Variants in DPY19L2 observed in about 807,000 individuals in gnomAD.
DPY19L2 encodes the protein dpy-19 like 2, also known as probable C-mannosyltransferase DPY19L2.
In DPY19L2, 34 loss-of-function variants were observed where a neutral mutation model predicts 97.9. That is an observed-to-expected ratio of 0.35 (90% CI 0.26 to 0.46). The LOEUF is 0.46. Among genes scored for constraint, DPY19L2 ranks in the 20% least tolerant of loss-of-function variants. The pLI is 1.00. For synonymous variants in DPY19L2, 230 were observed against 307.9 expected (o/e 0.75, Z 2.65); for missense variants, 623 against 911.4 (o/e 0.68, Z 4.07).
chr12:63,627,309 G>A (rs1001265355), intron 6 of DPY19L2, among the ~76,000 whole-genome samples: 1 of 152,094 alleles, frequency 6.6e-6, no homozygotes, highest in Non-Finnish European at 1.5e-5. Flanking sequence ...AAAATCAGAT[G>A]AAAGATAAAA....
In DPY19L2 at chr12:63,627,119, T is replaced by C. The variant is rs541395982; in HGVS notation, c.804-593A>G. Among the ~76,000 whole-genome samples, 5 of 152,252 alleles carry C rather than the reference T, an allele frequency of 3.3e-5. 1 individual carries two copies. In the South Asian group the frequency reaches 1.0e-3, roughly 32 times the overall value. On this transcript the variant is annotated intron_variant, in intron 6 of 21. Coordinates refer to ENST00000324472, the MANE Select transcript of DPY19L2 (RefSeq NM_173812.5). Reference sequence around the variant, plus strand: ...AGAAACAGACTAGCACTTTAGAGTCTAGATCACATCCTTTGAATACTCTGA... The same window carrying C: ...AGAAACAGACTAGCACTTTAGAGTCCAGATCACATCCTTTGAATACTCTGA...
intron 6 of DPY19L2, among the ~76,000 whole-genome samples, chr12:63,629,902 G>C (rs1890279424): frequency 6.6e-6 from 1 of 152,032 alleles, no homozygotes; most frequent in African/African-American, 2.4e-5. Flanking sequence ...AGAGAGTGGG[G>C]GCCAATATTC....
Position 63,560,398 on chromosome 12 carries a change from T to C in DPY19L2, c.*114A>G. On this transcript the variant is annotated 3_prime_UTR_variant, in exon 22 of 22. Transcript: ENST00000324472. ...GAAAAATTTCCAATCCATTTTTATC[T>C]TATTTTTAAGTGTCTGTTATTAAAG... The C allele has an allele frequency of 7.7e-7, 1 of 1,290,930 alleles. No homozygotes were observed. The highest frequency in any genetic ancestry group is 1.0e-6 in the Non-Finnish European group (1 of 972,448). 80.0% of individuals were successfully genotyped at this position (1,290,930 alleles called of 1,614,324 possible).
intron 14 of DPY19L2, 39 bp downstream of exon 14, chr12:63,597,770 A>G: frequency 6.4e-7 from 1 of 1,558,516 alleles, no homozygotes; most frequent in Non-Finnish European, 8.7e-7. Context: ...AGAGCAAAAA[A>G]CTCATATTAG....
intron 8 of DPY19L2, among the ~76,000 whole-genome samples, chr12:63,623,603 A>G (rs1026795222): frequency 4.6e-5 from 7 of 152,178 alleles, no homozygotes; most frequent in Non-Finnish European, 1.0e-4. Context: ...GCAATTTTGA[A>G]TTATTTTCTT....
intron 6 of DPY19L2, among the ~76,000 whole-genome samples, chr12:63,639,540 G>A (rs143794263): frequency 0.016 from 2,477 of 152,218 alleles, 72 homozygotes; most frequent in African/African-American, 0.056. Context: ...AGTGGATGAA[G>A]GATATGAACA....
intron 15 of DPY19L2, among the ~76,000 whole-genome samples, chr12:63,595,715 G>T (rs944499183): frequency 1.3e-5 from 2 of 152,138 alleles, no homozygotes; most frequent in Non-Finnish European, 2.9e-5. Context: ...ATTTGTCCGG[G>T]TGTACCTACA....
At chr12:63,667,910 G>C (rs1896517387) in intron 1 of DPY19L2, 147 bp downstream of exon 1, 2 of 931,872 alleles carry the variant, frequency 2.1e-6, no homozygotes, top group Non-Finnish European at 3.2e-6. Flanking sequence ...TCAATGACAA[G>C]ATCTTTGGCC....
At chr12:63,667,737 G>C (rs3965198) in intron 1 of DPY19L2, among the ~76,000 whole-genome samples, 21 of 152,012 alleles carry the variant, frequency 1.4e-4, no homozygotes, top group African/African-American at 4.6e-4. Flanking sequence ...CCCAAATATT[G>C]CAAGACTTGC....
At chr12:63,583,430 A>G (rs1164218887) in intron 17 of DPY19L2, among the ~76,000 whole-genome samples, 1 of 152,174 alleles carries the variant, frequency 6.6e-6, no homozygotes, top group Non-Finnish European at 1.5e-5. Context: ...ATCCTTCAAC[A>G]CTTCTGAGCT....
At chr12:63,592,665 A>T (rs1199698554) in intron 16 of DPY19L2, among the ~76,000 whole-genome samples, 1 of 146,916 alleles carries the variant, frequency 6.8e-6, no homozygotes, top group Non-Finnish European at 1.5e-5. Context: ...CTTAAACGTT[A>T]GACCTAAAAC....
At chr12:63,566,523 G>A (rs1273825625) in intron 21 of DPY19L2, among the ~76,000 whole-genome samples, 1 of 150,638 alleles carries the variant, frequency 6.6e-6, no homozygotes, top group Non-Finnish European at 1.5e-5. Flanking sequence ...TTTGAAGACA[G>A]TTATACAAAT....
chr12:63,589,764 A>T (rs183046595), intron 16 of DPY19L2, among the ~76,000 whole-genome samples: 2 of 152,318 alleles, frequency 1.3e-5, no homozygotes, highest in East Asian at 3.9e-4. Context: ...AATGAACTAT[A>T]AGTTGACATC....
chr12:63,570,621 C>A (rs892910496), intron 20 of DPY19L2, 137 bp downstream of exon 20: 4 of 915,568 alleles, frequency 4.4e-6, no homozygotes, highest in Admixed American at 3.3e-5. Flanking sequence ...TTTTTTTTAA[C>A]TTCCAGTATG....
At chr12:63,668,580 G>T (rs941055340), upstream of DPY19L2, 13 of 636,030 alleles carry the variant, frequency 2.0e-5, no homozygotes, top group Admixed American at 3.3e-4. Context: ...CCATTCGCGC[G>T]GGCAGTCCCT....
At chr12:63,637,146 C>T (rs1223660698) in intron 6 of DPY19L2, among the ~76,000 whole-genome samples, 1 of 152,132 alleles carries the variant, frequency 6.6e-6, no homozygotes, top group Non-Finnish European at 1.5e-5. Context: ...CAAAACCACA[C>T]AACTACATGG....
chr12:63,617,972 T>A (rs1305423087), intron 10 of DPY19L2, among the ~76,000 whole-genome samples, 179 bp downstream of exon 10: 5 of 152,054 alleles, frequency 3.3e-5, no homozygotes, highest in Non-Finnish European at 7.4e-5. Flanking sequence ...GTTGAAAGTA[T>A]AATCTGTTAT....
At chr12:63,648,962 T>G (rs919169190) in intron 4 of DPY19L2, among the ~76,000 whole-genome samples, 3 of 151,900 alleles carry the variant, frequency 2.0e-5, no homozygotes, top group Non-Finnish European at 2.9e-5. Context: ...ATGGAAAATT[T>G]GAAAAGTTTA....
At chr12:63,586,153 T>C (rs1166363488) in intron 16 of DPY19L2, among the ~76,000 whole-genome samples, 3 of 152,150 alleles carry the variant, frequency 2.0e-5, no homozygotes, top group African/African-American at 7.2e-5. Context: ...AAAAACTGTA[T>C]AGGAATTTTC....
Sources: gnomAD v4.1 joint callset for allele counts (sites outside exome capture counted in the v4.1 genomes callset) on GRCh38, gnomAD v4.1.1 for gene constraint, MANE v1.5 for transcripts, NCBI Gene and HGNC (gene_info 2026-07-23, HGNC 2026-07-21) for gene names.